Variants in PCCA observed in about 807,000 individuals in gnomAD.
PCCA encodes propionyl-CoA carboxylase alpha chain, mitochondrial.
In PCCA, 74 loss-of-function variants were observed where a neutral mutation model predicts 101.3. The observed-to-expected ratio is 0.73, with a 90% CI of 0.61 to 0.89. PCCA has a LOEUF of 0.89. Ranked by LOEUF, PCCA falls within the 40% of genes least tolerant of loss-of-function variation. The probability of loss-of-function intolerance (pLI) is 0.00; values close to 1 mark genes in which losing one functional copy is unlikely to be tolerated. For synonymous variants in PCCA, 294 were observed against 313.6 expected, an observed-to-expected ratio of 0.94 and a Z score of 0.66; for missense variants, 891 against 907.0, an observed-to-expected ratio of 0.98 and a Z score of 0.23.
At chr13:100,354,135 G>A (rs187344169) in intron 18 of PCCA, among the ~76,000 whole-genome samples, 1 of 145,980 alleles carries the variant, frequency 6.9e-6, no homozygotes, top group Admixed American at 6.8e-5. Flanking sequence ...AATTCGCTGG[G>A]TGTGGTGGCA....
At chr13:100,113,155 G>A (rs760432111) in intron 4 of PCCA, among the ~76,000 whole-genome samples, 5 of 152,090 alleles carry the variant, frequency 3.3e-5, no homozygotes, top group Non-Finnish European at 7.4e-5. Context: ...TGATGATACA[G>A]CCTAGTACAC....
At chr13:100,357,200 T>C (rs9585410) in intron 18 of PCCA, among the ~76,000 whole-genome samples, 30,476 of 152,150 alleles carry the variant, frequency 0.2, 3,458 homozygotes, top group Non-Finnish European at 0.27. Flanking sequence ...GATATGTGAA[T>C]TTCATCTCAA....
intron 12 of PCCA, among the ~76,000 whole-genome samples, chr13:100,300,918 G>C (rs1428629974): frequency 6.6e-6 from 1 of 152,204 alleles, no homozygotes; most frequent in Non-Finnish European, 1.5e-5. Context: ...TCAGTGTGGA[G>C]GGAAAGCAAC....
rs541326871 is a variant in PCCA at position 100,376,505 on chromosome 13, C to T, written c.1746+7931C>T. On this transcript the variant is annotated intron_variant, in intron 19 of 23. Coordinates refer to ENST00000376285, the MANE Select transcript of PCCA (RefSeq NM_000282.4). ...GGGAGATAGGAGTTTTATCTAGAAGCCCCTGAGTGGGGCTGCTGCCTTTCT... is the reference window on the plus strand; with the variant it reads ...GGGAGATAGGAGTTTTATCTAGAAGTCCCTGAGTGGGGCTGCTGCCTTTCT... Among the ~76,000 whole-genome samples, 4 of 152,334 alleles carry T rather than the reference C, an allele frequency of 2.6e-5. No individual in the cohort carries two copies. In the South Asian group the frequency reaches 8.3e-4, roughly 32 times the overall value.
intron 21 of PCCA, among the ~76,000 whole-genome samples, chr13:100,475,487 C>G (rs980131036): frequency 2.6e-5 from 4 of 152,174 alleles, no homozygotes; most frequent in African/African-American, 9.7e-5. Flanking sequence ...TACATCATTC[C>G]TGTGTATGGG....
rs527359195 is a variant in PCCA at position 100,175,081 on chromosome 13, T to C, written c.468+17741T>C. On this transcript the variant is annotated intron_variant, in intron 6 of 23. Transcript: ENST00000376285. Reference sequence around the variant, plus strand: ...ATTCTGTGCCCTAGTAAATGAGTCCTTGCTTATGTAAGTCAGATATTTTGT... The same window carrying C: ...ATTCTGTGCCCTAGTAAATGAGTCCCTGCTTATGTAAGTCAGATATTTTGT... Among the ~76,000 whole-genome samples the C allele has an allele frequency of 2.4e-3, 372 of 152,326 alleles. 2 individuals carry two copies. The highest frequency in any genetic ancestry group is 4.1e-3 in the Non-Finnish European group (278 of 68,022).
chr13:100,417,762 G>A (rs931577134), intron 19 of PCCA, among the ~76,000 whole-genome samples: 1 of 151,974 alleles, frequency 6.6e-6, no homozygotes, highest in Admixed American at 6.6e-5. Context: ...ACAGCCTTTT[G>A]TATCAGCCTT....
intron 4 of PCCA, 49 bp from the exon 5 acceptor site, chr13:100,154,930 A>T: frequency 8.5e-7 from 1 of 1,179,948 alleles, no homozygotes; most frequent in Non-Finnish European, 1.3e-6. Flanking sequence ...AGATGATGGT[A>T]ATTCTTTTTG....
chr13:100,114,680 G>T (rs1244748220), intron 4 of PCCA, among the ~76,000 whole-genome samples: 10 of 152,134 alleles, frequency 6.6e-5, no homozygotes. Context: ...ATATGTAAAG[G>T]TGCTCGACAT....
intron 18 of PCCA, among the ~76,000 whole-genome samples, chr13:100,355,461 C>G (rs887466614): frequency 4.6e-5 from 7 of 151,920 alleles, no homozygotes; most frequent in African/African-American, 1.7e-4. Flanking sequence ...CTAATGAGTC[C>G]TGGAAGGATA....
chr13:100,228,115 A>C (rs1178782598), intron 7 of PCCA, among the ~76,000 whole-genome samples: 1 of 152,088 alleles, frequency 6.6e-6, no homozygotes, highest in Non-Finnish European at 1.5e-5. Context: ...TCCCGGGTTC[A>C]ATCAATTCCC....
rs145710348 is a variant in PCCA, at chr13:100,291,023, C to T, written c.1066-10437C>T. Among the ~76,000 whole-genome samples the T allele has an allele frequency of 8.8e-4, 134 of 152,260 alleles. 1 individual carries two copies. The highest frequency in any genetic ancestry group is 2.4e-3 in the African/African-American group (99 of 41,558). On this transcript the variant is annotated intron_variant, in intron 12 of 23. Coordinates refer to ENST00000376285, the MANE Select transcript of PCCA (RefSeq NM_000282.4). ...AAATAAAATGAAAATATCAATTCAA[C>T]AATTAAAAAATACCAATAAAAGCAC...
At chr13:100,239,883 C>G (rs1023739576) in intron 8 of PCCA, among the ~76,000 whole-genome samples, 18 of 152,088 alleles carry the variant, frequency 1.2e-4, no homozygotes, top group African/African-American at 4.3e-4. Context: ...CTACTTCTCC[C>G]AGAATTTCCA....
At chr13:100,390,988 G>A (rs1169630190) in intron 19 of PCCA, among the ~76,000 whole-genome samples, 3 of 151,944 alleles carry the variant, frequency 2.0e-5, no homozygotes, top group African/African-American at 7.3e-5. Flanking sequence ...TAAAGAATAA[G>A]GAGAAAAAGA....
intron 20 of PCCA, among the ~76,000 whole-genome samples, chr13:100,445,033 AG>A (rs1484563498): frequency 6.6e-6 from 1 of 152,162 alleles, no homozygotes; most frequent in Non-Finnish European, 1.5e-5. Flanking sequence ...GTTGAGGATT[AG>A]GCATCTGATG....
At chr13:100,245,321 C>T (rs2061372368) in intron 8 of PCCA, among the ~76,000 whole-genome samples, 1 of 152,078 alleles carries the variant, frequency 6.6e-6, no homozygotes, top group Non-Finnish European at 1.5e-5. Context: ...AGCCAAATTT[C>T]CCAGTAGATT....
intron 4 of PCCA, among the ~76,000 whole-genome samples, chr13:100,130,138 T>C (rs1306779022): frequency 6.6e-6 from 1 of 152,240 alleles, no homozygotes; most frequent in Non-Finnish European, 1.5e-5. Context: ...ATTTCAAGCA[T>C]CAATTTATCC....
In PCCA at chr13:100,210,986, A is replaced by G. The variant is rs532798380; in HGVS notation, c.600+1523A>G. 6.6e-5 allele frequency among the ~76,000 whole-genome samples: 10 copies of G among 152,194 alleles called. No individual in the cohort carries two copies. The South Asian group carries it at 2.1e-3, about 32-fold the overall frequency. On this transcript the variant is annotated intron_variant, in intron 7 of 23. Coordinates refer to ENST00000376285, the MANE Select transcript of PCCA (RefSeq NM_000282.4). ...AGCCAGTTCCTCCTCCTACGCTCCA[A>G]ATGTATTCTTTATAGCCTTCACAGG...
At chr13:100,356,122 A>T (rs1210128557) in intron 18 of PCCA, among the ~76,000 whole-genome samples, 3 of 152,168 alleles carry the variant, frequency 2.0e-5, no homozygotes, top group Non-Finnish European at 4.4e-5. Context: ...GAACTTTAAG[A>T]ATCATAGACC....
Sources: gnomAD v4.1 joint callset for allele counts (sites outside exome capture counted in the v4.1 genomes callset) on GRCh38, gnomAD v4.1.1 for gene constraint, MANE v1.5 for transcripts, NCBI Gene and HGNC (gene_info 2026-07-23, HGNC 2026-07-21) for gene names.